The following LINGO2 variants were observed in gnomAD, a reference collection of about 807,000 sequenced individuals.
LINGO2 encodes the protein leucine rich repeat and Ig domain containing 2.
A neutral mutation model predicts 30.6 loss-of-function variants in LINGO2; 14 were observed. The ratio of observed to expected loss-of-function variants is 0.46; its 90% CI spans 0.30 to 0.72. The LOEUF is 0.72. Ranked by LOEUF, LINGO2 falls within the 30% of genes least tolerant of loss-of-function variation. The probability of loss-of-function intolerance (pLI) is 0.07; values close to 1 mark genes in which losing one functional copy is unlikely to be tolerated. For missense variants in LINGO2, 729 were observed against 751.7 expected, an observed-to-expected ratio of 0.97 and a Z score of 0.35; for synonymous variants, 317 against 288.5, an observed-to-expected ratio of 1.10 and a Z score of -1.00.
At chr9:28,685,952 A>AT in the LINGO2 span, among the ~76,000 whole-genome samples, 27 of 148,404 alleles carry the variant, frequency 1.8e-4, no homozygotes, top group African/African-American at 6.0e-4. Flanking sequence ...TGGGTGCATG[A>AT]TTTCTTTTAT....
Position 28,266,077 on chromosome 9 carries a change from T to A in LINGO2, c.-87+29131A>T, listed in dbSNP as rs186962398. Among the ~76,000 whole-genome samples the A allele has an allele frequency of 2.6e-4, 39 of 152,118 alleles. No homozygotes were observed. The East Asian group carries it at 5.4e-3, about 21-fold the overall frequency. On this transcript the variant is annotated intron_variant, in intron 4 of 5. Transcript: ENST00000379992. ...TTAAAATGGATGTTATCTAAAAACA[T>A]TTAAACTAAGTATGCCTTTTCTTTA... is the stretch of plus-strand genomic sequence containing the variant.
chr9:29,175,676 A>G, the LINGO2 span, among the ~76,000 whole-genome samples: 12 of 151,696 alleles, frequency 7.9e-5, no homozygotes, highest in African/African-American at 1.9e-4. Context: ...GCAGGCACAC[A>G]CCACCACGCC....
At chr9:28,498,257 T>G (rs954652886) in intron 1 of LINGO2, among the ~76,000 whole-genome samples, 23 of 152,106 alleles carry the variant, frequency 1.5e-4, no homozygotes, top group Non-Finnish European at 2.5e-4. Flanking sequence ...CCCCCAGAGG[T>G]GGAGTCTACA....
the LINGO2 span, among the ~76,000 whole-genome samples, chr9:28,910,508 G>A: frequency 6.6e-6 from 1 of 152,028 alleles, no homozygotes; most frequent in Non-Finnish European, 1.5e-5. Context: ...AATTCCCCAT[G>A]TTGGAAATGG....
At chr9:28,668,849 G>A (rs1828905811) in intron 1 of LINGO2, among the ~76,000 whole-genome samples, 1 of 151,970 alleles carries the variant, frequency 6.6e-6, no homozygotes, top group Non-Finnish European at 1.5e-5. Context: ...GCAGTTTTGT[G>A]CTGTGCAAAT....
rs572982489 is a variant in LINGO2 at position 28,495,525 on chromosome 9, G to A, written c.-364-19500C>T. On this transcript the variant is annotated intron_variant, in intron 1 of 5. Coordinates refer to ENST00000379992, the Ensembl canonical transcript of LINGO2. ...CAGGTTTGTCAAAGATCAGATGGTTGTAGATGTGTGGTATTATTTCTGAGG... is the reference window on the plus strand; with the variant it reads ...CAGGTTTGTCAAAGATCAGATGGTTATAGATGTGTGGTATTATTTCTGAGG... Among the ~76,000 whole-genome samples, 5 of 152,162 alleles carry A rather than the reference G, an allele frequency of 3.3e-5. No individual in the cohort carries two copies. In the East Asian group the frequency reaches 7.8e-4, roughly 24 times the overall value.
At chr9:28,315,928 A>G (rs544258088) in intron 3 of LINGO2, among the ~76,000 whole-genome samples, 21 of 152,368 alleles carry the variant, frequency 1.4e-4, no homozygotes, top group African/African-American at 5.0e-4. Flanking sequence ...CGTAGGCTCC[A>G]GGACCAGATC....
the LINGO2 span, among the ~76,000 whole-genome samples, chr9:28,982,757 A>T: frequency 6.6e-6 from 1 of 152,068 alleles, no homozygotes; most frequent in Non-Finnish European, 1.5e-5. Context: ...GAATTATTTC[A>T]TGTAATAGAA....
chr9:29,151,568 C>A, the LINGO2 span, among the ~76,000 whole-genome samples: 1 of 151,734 alleles, frequency 6.6e-6, no homozygotes, highest in Non-Finnish European at 1.5e-5. Flanking sequence ...GAAACATCTA[C>A]CATGCAAACA....
chr9:28,030,090 T>G (rs569474051), intron 4 of LINGO2, among the ~76,000 whole-genome samples: 3 of 152,290 alleles, frequency 2.0e-5, no homozygotes, highest in Admixed American at 2.0e-4. Context: ...AGAGCTTCCA[T>G]ATACTGCAGA....
chr9:29,102,120 C>G, the LINGO2 span, among the ~76,000 whole-genome samples: 1 of 151,096 alleles, frequency 6.6e-6, no homozygotes. Context: ...CTCGCTCTGT[C>G]GCCCAGGTTG....
chr9:28,481,228 C>T (rs985003914), intron 1 of LINGO2, among the ~76,000 whole-genome samples: 1 of 152,074 alleles, frequency 6.6e-6, no homozygotes, highest in African/African-American at 2.4e-5. Flanking sequence ...ATAACTGTGA[C>T]TAAATTCATG....
the LINGO2 span, among the ~76,000 whole-genome samples, chr9:29,192,555 A>T: frequency 6.6e-6 from 1 of 152,052 alleles, no homozygotes; most frequent in East Asian, 1.9e-4. Flanking sequence ...ATGAAATATT[A>T]TTAACATATT....
At chr9:28,204,111 G>A (rs1006306116) in intron 4 of LINGO2, among the ~76,000 whole-genome samples, 1 of 152,144 alleles carries the variant, frequency 6.6e-6, no homozygotes, top group Non-Finnish European at 1.5e-5. Flanking sequence ...GATACCCAAA[G>A]CCAGATTGCA....
chr9:28,268,004 C>T (rs1822814284), intron 4 of LINGO2, among the ~76,000 whole-genome samples: 2 of 152,020 alleles, frequency 1.3e-5, no homozygotes, highest in South Asian at 4.1e-4. Context: ...TGAGAAAGTA[C>T]TCAGAATAAT....
intron 3 of LINGO2, among the ~76,000 whole-genome samples, chr9:28,307,279 G>A (rs575992581): frequency 5.3e-5 from 8 of 152,070 alleles, no homozygotes; most frequent in Admixed American, 3.3e-4. Context: ...TTCAATATAT[G>A]TAAATCAATA....
At chr9:27,984,075 C>A (rs1213790987) in intron 5 of LINGO2, among the ~76,000 whole-genome samples, 1 of 151,764 alleles carries the variant, frequency 6.6e-6, no homozygotes, top group Admixed American at 6.6e-5. Context: ...CTGTGTGGGG[C>A]AGTGGACTGG....
chr9:29,116,313 C>T, the LINGO2 span, among the ~76,000 whole-genome samples: 1 of 151,940 alleles, frequency 6.6e-6, no homozygotes, highest in African/African-American at 2.4e-5. Context: ...TTTATTATCA[C>T]TAATTTTCTA....
At chr9:29,181,249 C>T in the LINGO2 span, among the ~76,000 whole-genome samples, 7 of 152,112 alleles carry the variant, frequency 4.6e-5, no homozygotes, top group African/African-American at 1.7e-4. Flanking sequence ...GAAATAGAAG[C>T]AAAAGGTTGA....
Sources: allele counts gnomAD v4.1 joint callset (sites outside exome capture counted in the v4.1 genomes callset), GRCh38; gene constraint gnomAD v4.1.1; transcripts MANE v1.5; gene names NCBI Gene and HGNC (gene_info 2026-07-23, HGNC 2026-07-21).